CDH13: variants seen among roughly 807,000 people sequenced by gnomAD.
CDH13 encodes cadherin-13.
Under a neutral mutation model 63.8 loss-of-function variants are expected in CDH13, and 24 were observed. The observed-to-expected ratio is 0.38, with a 90% CI of 0.27 to 0.53. The LOEUF (loss-of-function observed/expected upper bound fraction) is 0.53. CDH13 is among the 20% of genes least tolerant of loss of function. CDH13 has a pLI of 0.85. For missense variants in CDH13, 1,049 were observed against 903.1 expected, an observed-to-expected ratio of 1.16 and a Z score of -2.07; for synonymous variants, 503 against 355.3, an observed-to-expected ratio of 1.42 and a Z score of -4.67.
At chr16:83,537,318 G>A (rs1231109275) in intron 7 of CDH13, among the ~76,000 whole-genome samples, 1 of 152,196 alleles carries the variant, frequency 6.6e-6, no homozygotes, top group African/African-American at 2.4e-5. Context: ...ACAAAAATTT[G>A]TCCTGCTATA....
intron 11 of CDH13, among the ~76,000 whole-genome samples, chr16:83,768,002 T>C (rs528928030): frequency 8.5e-5 from 13 of 152,206 alleles, no homozygotes; most frequent in African/African-American, 2.6e-4. Context: ...AAAGTAGAAT[T>C]AGAAAAAAAT....
chr16:82,838,785 A>G (rs1328787487), intron 1 of CDH13, among the ~76,000 whole-genome samples: 3 of 152,274 alleles, frequency 2.0e-5, no homozygotes, highest in Non-Finnish European at 1.5e-5. Flanking sequence ...GACAAGTGTG[A>G]TGGGTCACTT....
chr16:83,269,397 C>G (rs959243917), intron 5 of CDH13, among the ~76,000 whole-genome samples: 4 of 152,152 alleles, frequency 2.6e-5, no homozygotes, highest in Admixed American at 1.3e-4. Flanking sequence ...TCCTTCATGT[C>G]TCAAATATTG....
intron 2 of CDH13, among the ~76,000 whole-genome samples, chr16:82,936,552 G>C (rs367960539): frequency 6.6e-6 from 1 of 152,106 alleles, no homozygotes; most frequent in African/African-American, 2.4e-5. Flanking sequence ...CTGATCTATA[G>C]GGTTTATTAA....
chr16:82,820,451 G>C (rs1209654919), intron 1 of CDH13, among the ~76,000 whole-genome samples: 1 of 152,154 alleles, frequency 6.6e-6, no homozygotes. Flanking sequence ...TGAAACTGAG[G>C]CACAGAGAAT....
At chr16:83,254,002 G>A (rs1905908992) in intron 5 of CDH13, among the ~76,000 whole-genome samples, 1 of 152,204 alleles carries the variant, frequency 6.6e-6, no homozygotes, top group East Asian at 1.9e-4. Context: ...CCAGCACCGT[G>A]AGGCCAAGAG....
chr16:83,795,000 A>T (rs1904275128), intron 13 of CDH13, 23 bp from the exon 14 acceptor site: 3 of 1,590,952 alleles, frequency 1.9e-6, no homozygotes, highest in Non-Finnish European at 2.6e-6. Flanking sequence ...TTCCCGACTT[A>T]ACTCTGAACC....
chr16:83,158,040 C>T lies in CDH13; in HGVS notation c.483+32539C>T, dbSNP rs117412433. ...GTGAACTCATTCCAGGTATCATGCA[C>T]CTTTGATTGTTTCACTTTCCTTGGG... On this transcript the variant is annotated intron_variant, in intron 4 of 13. Coordinates refer to ENST00000567109, the MANE Select transcript of CDH13 (RefSeq NM_001257.5). Among the ~76,000 whole-genome samples, 1,382 of 152,214 alleles carry T rather than the reference C, an allele frequency of 9.1e-3. 15 individuals are homozygous for T. The highest frequency in any genetic ancestry group is 0.047 in the East Asian group (241 of 5,160).
chr16:83,232,781 T>G (rs1030749375), intron 5 of CDH13, among the ~76,000 whole-genome samples: 13 of 151,290 alleles, frequency 8.6e-5, no homozygotes, highest in Admixed American at 2.6e-4. Context: ...TATTTTTTTA[T>G]AGCAATGCAA....
intron 6 of CDH13, among the ~76,000 whole-genome samples, chr16:83,356,093 A>G (rs1042467946): frequency 5.9e-5 from 9 of 152,132 alleles, no homozygotes; most frequent in African/African-American, 1.9e-4. Context: ...ATCCCCATCC[A>G]CAACACCCAC....
intron 6 of CDH13, among the ~76,000 whole-genome samples, chr16:83,428,256 G>A (rs2071976737): frequency 1.3e-5 from 2 of 152,042 alleles, no homozygotes; most frequent in South Asian, 4.1e-4. Context: ...GAGAAACACA[G>A]GAAAAACAGC....
rs151304104 is a variant in CDH13 at position 82,945,910 on chromosome 16, G to A, written c.158-86100G>A. Among the ~76,000 whole-genome samples, 632 of 152,164 alleles carry A rather than the reference G, an allele frequency of 4.2e-3. 3 individuals carry two copies. Among genetic ancestry groups the A allele is most frequent in the South Asian group, 0.013 (65 of 4,816 alleles). On this transcript the variant is annotated intron_variant, in intron 2 of 13. Transcript: ENST00000567109. ...AGGGACACTCTCAGTTCCTTTGGTG[G>A]CCACAGTTTGGCTGTCATTTCCTCT...
chr16:83,760,553 C>T (rs565722702), intron 11 of CDH13, among the ~76,000 whole-genome samples: 9 of 152,308 alleles, frequency 5.9e-5, no homozygotes, highest in East Asian at 3.9e-4. Flanking sequence ...GTGAATCTCA[C>T]AAACATAGTG....
At chr16:83,672,581 C>A (rs1193250561) in intron 9 of CDH13, among the ~76,000 whole-genome samples, 1 of 151,744 alleles carries the variant, frequency 6.6e-6, no homozygotes, top group Non-Finnish European at 1.5e-5. Flanking sequence ...CATGCCACCA[C>A]ACCCAGCTAA....
chr16:83,472,172 G>A (rs72808325), intron 6 of CDH13, among the ~76,000 whole-genome samples: 30,678 of 152,006 alleles, frequency 0.2, 3,230 homozygotes, highest in Middle Eastern at 0.27. Flanking sequence ...ACTTAGTACC[G>A]TTATACCTCA....
At chr16:82,635,283 C>T (rs144813190) in intron 1 of CDH13, among the ~76,000 whole-genome samples, 135 of 152,282 alleles carry the variant, frequency 8.9e-4, no homozygotes, top group African/African-American at 2.4e-3. Context: ...AGGATCTGGG[C>T]GGCTTCCCTG....
intron 1 of CDH13, among the ~76,000 whole-genome samples, chr16:82,642,337 A>G (rs879849760): frequency 8.5e-5 from 13 of 152,228 alleles, no homozygotes; most frequent in Non-Finnish European, 1.8e-4. Flanking sequence ...GTTGCCCATT[A>G]AAGTACAGTA....
At chr16:83,156,312 A>G (rs1358701121) in intron 4 of CDH13, among the ~76,000 whole-genome samples, 1 of 152,198 alleles carries the variant, frequency 6.6e-6, no homozygotes, top group Admixed American at 6.5e-5. Context: ...AATGGATTCT[A>G]TCTGATGATG....
chr16:83,680,644 A>G (rs562649436), intron 10 of CDH13, among the ~76,000 whole-genome samples: 3 of 152,186 alleles, frequency 2.0e-5, no homozygotes, highest in African/African-American at 7.2e-5. Flanking sequence ...AAAGCAACCT[A>G]GAAATGACTT....
Sources: gnomAD v4.1 joint callset for allele counts (sites outside exome capture counted in the v4.1 genomes callset) on GRCh38, gnomAD v4.1.1 for gene constraint, MANE v1.5 for transcripts, NCBI Gene and HGNC (gene_info 2026-07-23, HGNC 2026-07-21) for gene names.